The following AKAP11 variants were observed in gnomAD, a reference collection of about 807,000 sequenced individuals.
AKAP11 encodes A-kinase anchoring protein 11.
Under a neutral mutation model 146.1 loss-of-function variants are expected in AKAP11, and 36 were observed. The ratio of observed to expected loss-of-function variants is 0.25; its 90% confidence interval spans 0.19 to 0.33. The LOEUF is 0.33. Among genes scored for constraint, AKAP11 ranks in the 10% least tolerant of loss-of-function variants. The pLI, the probability that AKAP11 is intolerant of heterozygous loss-of-function variation, is 1.00. For synonymous variants in AKAP11, 780 were observed against 786.5 expected (o/e 0.99, Z 0.14); for missense variants, 2,201 against 2,197.0 (o/e 1.00, Z -0.04).
chr13:42,288,555 T>A (rs549282709), intron 3 of AKAP11, among the ~76,000 whole-genome samples: 1 of 152,102 alleles, frequency 6.6e-6, no homozygotes, highest in Non-Finnish European at 1.5e-5. Flanking sequence ...CCAAGAAAAA[T>A]AAATTCCCAT....
rs752570557 is a variant in AKAP11, at chr13:42,300,749, C to G, written c.2003C>G (p.Pro668Arg). The G allele has an allele frequency of 6.2e-7, 1 of 1,614,066 alleles. No individual in the cohort carries two copies. The highest frequency in any genetic ancestry group is 8.5e-7 in the Non-Finnish European group (1 of 1,179,954). ...GIMEVCQFSY[P>R]QTPASPQCGS... ...ATGGAGGTGTGTCAGTTTTCATATC[C>G]TCAAACGCCTGCATCTCCACAGTGT... is the stretch of plus-strand genomic sequence containing the variant. The change falls in exon 8 of 13, where the codon CCT becomes CGT. Residue 668 changes from proline (P) to arginine (R), a missense_variant. Coordinates refer to ENST00000025301, the MANE Select transcript of AKAP11 (RefSeq NM_016248.4).
chr13:42,297,302 G>A (rs1413513056), intron 6 of AKAP11, 120 bp downstream of exon 6: 4 of 693,630 alleles, frequency 5.8e-6, no homozygotes, highest in Admixed American at 6.8e-5. Flanking sequence ...GTATCTCAAG[G>A]AAATATGATT....
chr13:42,303,645 T>C lies in AKAP11; in HGVS notation c.4899T>C (p.Phe1633=), dbSNP rs1381114142. ...FSSRYQKSRI[F]HLSVPQIHVN... ...GCCGCTATCAGAAATCTAGGATTTT[T>C]CATCTCAGTGTCCCTCAGATTCATG... The change falls in exon 8 of 13, where the codon TTT becomes TTC. Residue 1633 remains phenylalanine, a synonymous_variant. Coordinates refer to ENST00000025301, the MANE Select transcript of AKAP11 (RefSeq NM_016248.4). The C allele has an allele frequency of 6.2e-7, 1 of 1,614,066 alleles. No homozygotes were observed. Among genetic ancestry groups the C allele is most frequent in the Admixed American group, 1.7e-5 (1 of 60,004 alleles).
intron 8 of AKAP11, among the ~76,000 whole-genome samples, chr13:42,305,870 G>T (rs757089496): frequency 1.8e-4 from 28 of 152,222 alleles, no homozygotes; most frequent in Non-Finnish European, 3.7e-4. Context: ...CATGGCACAA[G>T]GCAAAGGGGA....
rs75106690 is a variant in AKAP11, at chr13:42,303,121, A to C, written c.4375A>C (p.Thr1459Pro). The change falls in exon 8 of 13, where the codon ACC becomes CCC. Residue 1459 changes from threonine to proline, a missense_variant. Transcript: ENST00000025301. ...GGTCTCCCAACTGTATAGTTTTTCA[A>C]CCTCTCTGGTTCACAGCATAACAAA... ...NEVSQLYSFSTSLVHSITKDA... is the reference protein window; with the variant it reads ...NEVSQLYSFSPSLVHSITKDA... 3 of 1,614,024 alleles carry C rather than the reference A, an allele frequency of 1.9e-6. No individual in the cohort carries two copies. Among genetic ancestry groups the C allele is most frequent in the South Asian group, 2.2e-5 (2 of 91,080 alleles).
In AKAP11 at chr13:42,303,651, C is replaced by A. The variant is rs138261350; in HGVS notation, c.4905C>A (p.Leu1635=). The change falls in exon 8 of 13, where the codon CTC becomes CTA. Residue 1635 remains leucine (L), a synonymous_variant. Coordinates refer to ENST00000025301, the MANE Select transcript of AKAP11 (RefSeq NM_016248.4). ...ATCAGAAATCTAGGATTTTTCATCT[C>A]AGTGTCCCTCAGATTCATGTTAATC... ...SRYQKSRIFH[L]SVPQIHVNLD... 122 of 1,614,132 alleles carry A rather than the reference C, an allele frequency of 7.6e-5. No individual in the cohort carries two copies. The highest frequency in any genetic ancestry group is 9.4e-5 in the Non-Finnish European group (111 of 1,180,008).
intron 8 of AKAP11, 92 bp downstream of exon 8, chr13:42,303,955 T>C: frequency 1.4e-6 from 2 of 1,408,844 alleles, no homozygotes; most frequent in Non-Finnish European, 1.9e-6. Context: ...AAGGAATGAT[T>C]ATTTTTAACC....
Position 42,301,510 on chromosome 13 carries a change from G to T in AKAP11, c.2764G>T (p.Asp922Tyr). 2 of 1,614,036 alleles carry T rather than the reference G, an allele frequency of 1.2e-6. No individual in the cohort carries two copies. The highest frequency in any genetic ancestry group is 1.1e-5 in the South Asian group (1 of 91,048). The change falls in exon 8 of 13, where the codon GAT (aspartate) becomes TAT (tyrosine). Residue 922 changes from aspartate to tyrosine, a missense_variant. Asp to Tyr is a radical substitution (Grantham distance 160, BLOSUM62 -3). Transcript: ENST00000025301. ...GAAAACCCCTCCATTTTCCCACTGT[G>T]ATCAGGCAGTGCTGCAATGCAGTGA... ...KEKTPPFSHC[D>Y]QAVLQCSEAS...
intron 9 of AKAP11, among the ~76,000 whole-genome samples, chr13:42,309,803 A>G (rs936903656): frequency 2.0e-5 from 3 of 152,172 alleles, no homozygotes; most frequent in East Asian, 3.8e-4. Flanking sequence ...ACAGGCTTCT[A>G]TGATTTCAGT....
intron 9 of AKAP11, among the ~76,000 whole-genome samples, chr13:42,310,853 C>T (rs1306878558): frequency 1.1e-4 from 14 of 124,324 alleles, no homozygotes; most frequent in Admixed American, 7.7e-4. Flanking sequence ...AGACAGACTC[C>T]GTCAAAAAAA....
intron 8 of AKAP11, among the ~76,000 whole-genome samples, chr13:42,306,777 CTG>C (rs1276638386): frequency 2.6e-5 from 4 of 152,196 alleles, no homozygotes; most frequent in Non-Finnish European, 5.9e-5. Flanking sequence ...ATTTCACAAA[CTG>C]TAATGAACAG....
intron 3 of AKAP11, among the ~76,000 whole-genome samples, chr13:42,287,755 G>A (rs989465488): frequency 6.6e-6 from 1 of 152,096 alleles, no homozygotes; most frequent in African/African-American, 2.4e-5. Context: ...TAGACCCATA[G>A]CTTTAAATTG....
intron 3 of AKAP11, among the ~76,000 whole-genome samples, chr13:42,287,235 A>G (rs1026929380): frequency 2.0e-5 from 3 of 152,296 alleles, no homozygotes; most frequent in South Asian, 2.1e-4. Flanking sequence ...TTCCAAATCT[A>G]CAGGATGCCT....
At chr13:42,289,414 G>A (rs1413744662) in intron 3 of AKAP11, among the ~76,000 whole-genome samples, 1 of 152,050 alleles carries the variant, frequency 6.6e-6, no homozygotes, top group East Asian at 1.9e-4. Context: ...TAATGCTCTG[G>A]ACTCATGGAT....
chr13:42,297,298 C>T, intron 6 of AKAP11, 116 bp downstream of exon 6: 2 of 725,862 alleles, frequency 2.8e-6, no homozygotes, highest in Non-Finnish European at 4.1e-6. Context: ...AATGGTATCT[C>T]AAGGAAATAT....
At chr13:42,296,975 A>C in intron 5 of AKAP11, 73 bp from the exon 6 acceptor site, 1 of 1,368,930 alleles carries the variant, frequency 7.3e-7, no homozygotes, top group East Asian at 2.7e-5. Context: ...ATTTTTGGAT[A>C]GGGTCCACAT....
At chr13:42,311,471 A>G (rs916945672) in intron 9 of AKAP11, among the ~76,000 whole-genome samples, 2 of 152,198 alleles carry the variant, frequency 1.3e-5, no homozygotes, top group African/African-American at 4.8e-5. Context: ...AAAAATGTAT[A>G]CAGTCACCTA....
Position 42,303,282 on chromosome 13 carries a change from G to A in AKAP11, c.4536G>A (p.Gln1512=), listed in dbSNP as rs1960055448. The change falls in exon 8 of 13, where the codon CAG becomes CAA. Residue 1512 remains glutamine, a synonymous_variant. Transcript: ENST00000025301. ...CACCAGAATTGCCTAAGTCTCTTCA[G>A]CCTTCCTCACAAAATCACAGGTTTT... ...HVTPELPKSL[Q]PSSQNHRFYH... The A allele has an allele frequency of 6.2e-7, 1 of 1,612,974 alleles. No homozygotes were observed. Among genetic ancestry groups the A allele is most frequent in the African/African-American group, 1.3e-5 (1 of 74,912 alleles).
At chr13:42,290,515 G>T (rs1052203629) in intron 3 of AKAP11, among the ~76,000 whole-genome samples, 3 of 152,166 alleles carry the variant, frequency 2.0e-5, no homozygotes, top group African/African-American at 7.2e-5. Context: ...AGGATACATG[G>T]ATAATCCTTT....
Sources: allele counts gnomAD v4.1 joint callset (sites outside exome capture counted in the v4.1 genomes callset), GRCh38; gene constraint gnomAD v4.1.1; transcripts MANE v1.5; gene names NCBI Gene and HGNC (gene_info 2026-07-23, HGNC 2026-07-21).